NUP62CL: variants seen among roughly 807,000 people sequenced by gnomAD.
The protein encoded by NUP62CL is nucleoporin 62 C-terminal like, also known as nucleoporin-62 C-terminal-like protein.
In NUP62CL, 13 loss-of-function variants were observed where a neutral mutation model predicts 15.3. The observed-to-expected ratio is 0.85, with a 90% confidence interval of 0.55 to 1.35. The LOEUF (loss-of-function observed/expected upper bound fraction) is 1.35, where lower values mean the gene tolerates loss of function less well. NUP62CL is among the 40% of genes most tolerant of loss of function. The pLI is 0.00. For synonymous variants in NUP62CL, 54 were observed against 49.2 expected (o/e 1.10, Z -0.41); for missense variants, 123 against 130.6 (o/e 0.94, Z 0.28).
At chrX:107,149,497 C>T (rs1011420492) in intron 7 of NUP62CL, among the ~76,000 whole-genome samples, 1 of 109,592 alleles carries the variant, frequency 9.1e-6, no homozygotes, top group Non-Finnish European at 1.9e-5. Context: ...ATTTTTATAG[C>T]GGGAAGGGAC....
chrX:107,128,574 A>T (rs1157364980), intron 8 of NUP62CL, among the ~76,000 whole-genome samples: 1 of 112,024 alleles, frequency 8.9e-6, no homozygotes, highest in Non-Finnish European at 1.9e-5. Flanking sequence ...TTATATGATA[A>T]ATGCTAATAC....
rs1323624987 is a variant in NUP62CL, at chrX:107,124,287, T to C, written c.*88A>G. ...GTGTGCATGCTCCTCGTGACGATAA[T>C]CCTCGAAAACCCGTGTTACCACTTC... is the stretch of plus-strand genomic sequence containing the variant. On this transcript the variant is annotated 3_prime_UTR_variant, in exon 9 of 9. Transcript: ENST00000372466. The C allele has an allele frequency of 2.9e-6, 1 of 341,750 alleles. No individual in the cohort carries two copies. The highest frequency in any genetic ancestry group is 2.6e-5 in the South Asian group (1 of 38,245). The allele number at this position is 341,750 out of a possible 1,213,427, so 28.2% of individuals were successfully genotyped here. A position where few individuals can be genotyped will look rare whatever the true frequency, so the allele number is the denominator to read the frequency against.
chrX:107,143,379 C>T (rs1165139400), intron 8 of NUP62CL, among the ~76,000 whole-genome samples: 2 of 109,841 alleles, frequency 1.8e-5, no homozygotes, highest in Non-Finnish European at 3.8e-5. Flanking sequence ...TGCTACTACA[C>T]CCAGCTATTT....
At chrX:107,131,287 A>C (rs1036841528) in intron 8 of NUP62CL, among the ~76,000 whole-genome samples, 1 of 111,778 alleles carries the variant, frequency 8.9e-6, no homozygotes, top group African/African-American at 3.3e-5. Flanking sequence ...CACTTACTGA[A>C]GAAATAGAAA....
chrX:107,132,730 G>A (rs1925549745), intron 8 of NUP62CL, among the ~76,000 whole-genome samples: 1 of 112,182 alleles, frequency 8.9e-6, no homozygotes, highest in Admixed American at 9.4e-5. Context: ...CTGTACTCTT[G>A]CCTGGGTGAC....
chrX:107,174,746 G>A (rs1334656690), intron 3 of NUP62CL, among the ~76,000 whole-genome samples: 2 of 111,824 alleles, frequency 1.8e-5, no homozygotes, highest in South Asian at 3.8e-4. Context: ...TTTTATCTTA[G>A]TCACATGGAT....
chrX:107,153,392 A>G, intron 6 of NUP62CL, 62 bp downstream of exon 6: 1 of 1,112,361 alleles, frequency 9.0e-7, no homozygotes, highest in Non-Finnish European at 1.2e-6. Flanking sequence ...AGAAGGAAAA[A>G]AAAAACACTG....
chrX:107,205,563 G>C (rs187139596), intron 1 of NUP62CL, among the ~76,000 whole-genome samples: 20 of 111,071 alleles, frequency 1.8e-4, no homozygotes, highest in African/African-American at 6.5e-4. Context: ...AAGCAGTTTA[G>C]TTCATTCATA....
chrX:107,153,437 G>A lies in NUP62CL; in HGVS notation c.395+17C>T. 1 of 1,146,079 alleles carries A rather than the reference G, an allele frequency of 8.7e-7. No individual in the cohort carries two copies. The allele number at this position is 1,146,079 out of a possible 1,213,427, so 94.4% of individuals were successfully genotyped here. A position where few individuals can be genotyped will look rare whatever the true frequency, so the allele number is the denominator to read the frequency against. On this transcript the variant is annotated intron_variant, in intron 6 of 8. Transcript: ENST00000372466. ...ATAGGTCTTTAATCTTTCAACCAAG[G>A]AAATCTAAGGTTCTACCTTTTCTGA...
intron 7 of NUP62CL, 111 bp downstream of exon 7, chrX:107,153,061 C>G: frequency 1.5e-6 from 1 of 679,088 alleles, no homozygotes; most frequent in Non-Finnish European, 2.1e-6. Context: ...TTGTCCCTTT[C>G]TACCGATTTG....
chrX:107,159,517 C>A (rs1474153208), intron 4 of NUP62CL, among the ~76,000 whole-genome samples: 5 of 75,094 alleles, frequency 6.7e-5, no homozygotes, highest in African/African-American at 2.8e-4. Flanking sequence ...TAAACAGAGC[C>A]AAAGACAAAA....
intron 8 of NUP62CL, among the ~76,000 whole-genome samples, chrX:107,128,540 A>T (rs1925440264): frequency 8.9e-6 from 1 of 112,155 alleles, no homozygotes; most frequent in Admixed American, 9.5e-5. Context: ...CAGTAAACAG[A>T]CATGTAGACA....
chrX:107,185,167 A>C (rs1005945923), intron 2 of NUP62CL, among the ~76,000 whole-genome samples: 4 of 88,778 alleles, frequency 4.5e-5, no homozygotes, highest in Admixed American at 2.8e-4. Flanking sequence ...ACTGCACTCC[A>C]GCCTGGGCGA....
intron 4 of NUP62CL, among the ~76,000 whole-genome samples, chrX:107,161,785 AT>A (rs1222800981): frequency 2.5e-4 from 26 of 102,110 alleles, no homozygotes; most frequent in African/African-American, 6.9e-4. Flanking sequence ...TTTAAAAAAA[AT>A]AATAATAATA....
At chrX:107,137,934 GCTATAGTAATGA>G (rs1925678501) in intron 8 of NUP62CL, among the ~76,000 whole-genome samples, 1 of 111,617 alleles carries the variant, frequency 9.0e-6, no homozygotes, top group South Asian at 3.8e-4. Context: ...TTACTGTATG[GCTATAGTAATGA>G]AAGCATTGGG....
At chrX:107,125,527 A>G (rs1478844398) in intron 8 of NUP62CL, among the ~76,000 whole-genome samples, 5 of 111,683 alleles carry the variant, frequency 4.5e-5, no homozygotes, top group Admixed American at 1.9e-4. Context: ...ATTTTATCTT[A>G]TAAAGACATT....
intron 2 of NUP62CL, among the ~76,000 whole-genome samples, chrX:107,189,920 AG>A (rs1927191842): frequency 1.9e-5 from 2 of 107,136 alleles, no homozygotes; most frequent in East Asian, 2.9e-4. Context: ...AAAGAAAGAA[AG>A]AAAGAAAGAA....
intron 3 of NUP62CL, among the ~76,000 whole-genome samples, chrX:107,171,026 C>T (rs1285413932): frequency 2.7e-5 from 3 of 112,000 alleles, no homozygotes; most frequent in Non-Finnish European, 5.6e-5. Flanking sequence ...TCAAATTTTC[C>T]TATCCTGTCC....
chrX:107,141,973 C>T (rs909463750), intron 8 of NUP62CL, among the ~76,000 whole-genome samples: 1 of 109,381 alleles, frequency 9.1e-6, no homozygotes, highest in Non-Finnish European at 1.9e-5. Flanking sequence ...ATCACTTGAA[C>T]CGGAAGGCAG....
Sources: allele counts gnomAD v4.1 joint callset (sites outside exome capture counted in the v4.1 genomes callset), GRCh38; gene constraint gnomAD v4.1.1; transcripts MANE v1.5; gene names NCBI Gene and HGNC (gene_info 2026-07-23, HGNC 2026-07-21).